Variants in SPON1 observed in about 807,000 individuals in gnomAD.
SPON1 encodes spondin-1.
SPON1 carries 52 observed loss-of-function variants against 111.7 expected under a neutral mutation model. The observed-to-expected ratio is 0.47, with a 90% CI of 0.37 to 0.59. The LOEUF (loss-of-function observed/expected upper bound fraction) is 0.59. Among genes scored for constraint, SPON1 ranks in the 20% least tolerant of loss-of-function variants. The pLI is 0.00. For synonymous variants in SPON1, 410 were observed against 395.8 expected, an observed-to-expected ratio of 1.04 and a Z score of -0.43; for missense variants, 957 against 1,068.5, an observed-to-expected ratio of 0.90 and a Z score of 1.46.
chr11:14,076,630 C>T (rs1046477231), intron 4 of SPON1, among the ~76,000 whole-genome samples: 3 of 152,182 alleles, frequency 2.0e-5, no homozygotes, highest in Non-Finnish European at 4.4e-5. Flanking sequence ...AGCCAATGCC[C>T]TTAACCATTG....
At chr11:14,004,062 C>G (rs1848340299) in intron 2 of SPON1, among the ~76,000 whole-genome samples, 2 of 152,096 alleles carry the variant, frequency 1.3e-5, no homozygotes, top group South Asian at 4.1e-4. Context: ...GCTTACTTCA[C>G]TTAGCATAAT....
chr11:14,075,254 A>G (rs1235187960), intron 3 of SPON1, 91 bp from the exon 4 acceptor site: 2 of 987,710 alleles, frequency 2.0e-6, no homozygotes, highest in Non-Finnish European at 3.1e-6. Context: ...ACTCAAAGCC[A>G]CAAAGCCAAG....
At chr11:14,118,391 A>G (rs1489314720) in intron 5 of SPON1, among the ~76,000 whole-genome samples, 1 of 152,202 alleles carries the variant, frequency 6.6e-6, no homozygotes, top group African/African-American at 2.4e-5. Flanking sequence ...TTCTGGATAT[A>G]TAATTGCAGT....
At chr11:13,979,574 C>T (rs1848128637) in intron 1 of SPON1, among the ~76,000 whole-genome samples, 1 of 152,086 alleles carries the variant, frequency 6.6e-6, no homozygotes, top group Non-Finnish European at 1.5e-5. Flanking sequence ...ATGGTCCCTT[C>T]AGGTAGTTTC....
chr11:14,067,748 G>A (rs1250624121), intron 3 of SPON1, among the ~76,000 whole-genome samples: 2 of 152,144 alleles, frequency 1.3e-5, no homozygotes, highest in Non-Finnish European at 2.9e-5. Flanking sequence ...AGGAAGGCTG[G>A]GAAAGCAGGA....
chr11:13,986,724 C>T (rs1046399870), intron 2 of SPON1, among the ~76,000 whole-genome samples: 117 of 152,042 alleles, frequency 7.7e-4, no homozygotes, highest in African/African-American at 2.8e-3. Context: ...GCCCCCGACC[C>T]CCCGACAGAC....
intron 4 of SPON1, among the ~76,000 whole-genome samples, chr11:14,076,378 A>C (rs1848918104): frequency 6.6e-6 from 1 of 152,220 alleles, no homozygotes; most frequent in South Asian, 2.1e-4. Flanking sequence ...AGAAAAAGAA[A>C]GGTTGATAAA....
intron 5 of SPON1, among the ~76,000 whole-genome samples, chr11:14,085,379 C>A (rs887151232): frequency 3.9e-5 from 6 of 152,122 alleles, no homozygotes; most frequent in Non-Finnish European, 7.4e-5. Flanking sequence ...AGGCAGTTTT[C>A]CCAGCACCAT....
intron 5 of SPON1, among the ~76,000 whole-genome samples, chr11:14,089,971 C>G (rs1397762298): frequency 2.0e-5 from 3 of 152,122 alleles, no homozygotes; most frequent in African/African-American, 7.2e-5. Context: ...TTACTCAAGC[C>G]TCAGAAATGG....
Sources: gnomAD v4.1 joint callset for allele counts (sites outside exome capture counted in the v4.1 genomes callset) on GRCh38, gnomAD v4.1.1 for gene constraint, MANE v1.5 for transcripts, NCBI Gene and HGNC (gene_info 2026-07-23, HGNC 2026-07-21) for gene names.